The following ATP23 variants were observed in gnomAD, a reference collection of about 807,000 sequenced individuals.
ATP23 encodes the protein ATP23 metallopeptidase and ATP synthase assembly factor homolog.
In ATP23, 24 loss-of-function variants were observed where a neutral mutation model predicts 28.5. The ratio of observed to expected loss-of-function variants is 0.84; its 90% CI spans 0.61 to 1.18. The LOEUF is 1.18. ATP23 is among the 50% of genes most tolerant of loss of function. The pLI is 0.00. For synonymous variants in ATP23, 99 were observed against 108.6 expected (o/e 0.91, Z 0.55); for missense variants, 274 against 306.4 (o/e 0.89, Z 0.79).
At position 57,947,038 on chromosome 12, in the gene ATP23, G is replaced by A; in HGVS notation, c.277G>A (p.Gly93Arg). 6.2e-7 allele frequency: 1 copy of A among 1,614,080 alleles called. No individual in the cohort carries two copies. Among genetic ancestry groups the A allele is most frequent in the Non-Finnish European group, 8.5e-7 (1 of 1,180,002 alleles). The change falls in exon 3 of 6, where the codon GGA becomes AGA. Residue 93 changes from glycine (G) to arginine (R), a missense_variant. Gly to Arg is a moderately radical substitution (Grantham distance 125). Coordinates refer to ENST00000300145, the MANE Select transcript of ATP23 (RefSeq NM_033276.4). ...ACACTTTTCTTGCGAAGACTGTAAT[G>A]GAAATGTCAGTGGAGGTTTTGATGC... ...DRHFSCEDCN[G>R]NVSGGFDAST...
chr12:57,956,634 C>T (rs759640114), intron 5 of ATP23, 53 bp from the exon 6 acceptor site: 95 of 1,271,828 alleles, frequency 7.5e-5, no homozygotes, highest in Admixed American at 3.0e-4. Flanking sequence ...TGTATTATTT[C>T]GTGATTAAAT....
intron 1 of ATP23, among the ~76,000 whole-genome samples, chr12:57,944,325 T>G (rs1048623909): frequency 1.3e-5 from 2 of 152,210 alleles, no homozygotes; most frequent in African/African-American, 4.8e-5. Flanking sequence ...TTTTTAAACC[T>G]TAGTTTCTTT....
intron 3 of ATP23, among the ~76,000 whole-genome samples, chr12:57,949,105 T>C (rs1956791648): frequency 1.3e-5 from 2 of 152,246 alleles, no homozygotes. Context: ...TTATGAACAA[T>C]GCTGCTATGA....
chr12:57,943,295 G>A (rs1439005574), intron 1 of ATP23, among the ~76,000 whole-genome samples: 1 of 152,182 alleles, frequency 6.6e-6, no homozygotes, highest in African/African-American at 2.4e-5. Flanking sequence ...TTCCTCAGGT[G>A]TGGAAGGTGA....
rs191338935 is a variant in ATP23 at position 57,949,581 on chromosome 12, A to T, written c.316-2177A>T. 7.3e-3 allele frequency among the ~76,000 whole-genome samples: 1,106 copies of T among 152,080 alleles called. 11 individuals are homozygous for T. The highest frequency in any genetic ancestry group is 0.02 in the Middle Eastern group (6 of 294). On this transcript the variant is annotated intron_variant, in intron 3 of 5. Coordinates refer to ENST00000300145, the MANE Select transcript of ATP23 (RefSeq NM_033276.4). The stretch of plus-strand genomic sequence containing the variant: ...CAATCATGGCTCACTACAGCCTTGA[A>T]CTCCTGGGCTCAAGCAATCCTCCCA...
At chr12:57,942,535 T>A (rs1190055773) in intron 1 of ATP23, among the ~76,000 whole-genome samples, 5 of 151,940 alleles carry the variant, frequency 3.3e-5, no homozygotes, top group Non-Finnish European at 7.4e-5. Flanking sequence ...GCCGTTCTCC[T>A]GCCTCAGCCT....
Position 57,953,680 on chromosome 12 carries a change from ACAC to A in ATP23, c.534_536del (p.His178del), listed in dbSNP as rs767098606. The A allele has an allele frequency of 1.9e-6, 3 of 1,613,994 alleles. No individual in the cohort carries two copies. The highest frequency in any genetic ancestry group is 2.5e-6 in the Non-Finnish European group (3 of 1,179,860). ...TCAGGTTACATTTTGGATTAAAACA[ACAC>A]CACCAGGTAAAAACTAATATGAAAT... On this transcript the variant is annotated inframe_deletion, in exon 5 of 6. Coordinates refer to ENST00000300145, the MANE Select transcript of ATP23 (RefSeq NM_033276.4).
rs892636527 is a variant in ATP23, at chr12:57,945,102, A to G, written c.188-526A>G. ...CATTTAACTAAAAATGAACTTTAAA[A>G]GCATAGTTGATATTGTCTAAGATGC... On this transcript the variant is annotated intron_variant, in intron 1 of 5. Coordinates refer to ENST00000300145, the MANE Select transcript of ATP23 (RefSeq NM_033276.4). 6.6e-5 allele frequency among the ~76,000 whole-genome samples: 10 copies of G among 152,340 alleles called. No homozygotes were observed. In the South Asian group the frequency reaches 1.7e-3, roughly 25 times the overall value.
At chr12:57,950,772 G>T (rs1956807839) in intron 3 of ATP23, among the ~76,000 whole-genome samples, 1 of 152,072 alleles carries the variant, frequency 6.6e-6, no homozygotes, top group Non-Finnish European at 1.5e-5. Flanking sequence ...CAAGGAATCT[G>T]CCTGCCTCAG....
chr12:57,954,291 T>C (rs1421880155), intron 5 of ATP23, among the ~76,000 whole-genome samples: 1 of 152,114 alleles, frequency 6.6e-6, no homozygotes, highest in African/African-American at 2.4e-5. Context: ...CAGCATGTCT[T>C]ACTGTTATTC....
chr12:57,941,994 A>C, intron 1 of ATP23, 106 bp downstream of exon 1: 1 of 1,420,050 alleles, frequency 7.0e-7, no homozygotes, highest in Admixed American at 2.4e-5. Flanking sequence ...GGTTCAGCAC[A>C]GAGTCTAGAC....
chr12:57,953,601 GAT>G lies in ATP23; in HGVS notation c.454-3_454-2del. The G allele has an allele frequency of 6.2e-7, 1 of 1,613,294 alleles. No homozygotes were observed. The highest frequency in any genetic ancestry group is 1.1e-5 in the South Asian group (1 of 91,004). On this transcript the variant is annotated splice_polypyrimidine_tract_variant and splice_region_variant and intron_variant, in intron 4 of 5. Coordinates refer to ENST00000300145, the MANE Select transcript of ATP23 (RefSeq NM_033276.4). ...ATTTCTTTTTATTTGTCTTCTGTGTGATAGGTTCGAGCTGCTAACCTTAGTGG... is the reference window on the plus strand; with the variant it reads ...ATTTCTTTTTATTTGTCTTCTGTGTGAGGTTCGAGCTGCTAACCTTAGTGG...
At chr12:57,947,626 G>A (rs1293764629) in intron 3 of ATP23, among the ~76,000 whole-genome samples, 2 of 152,288 alleles carry the variant, frequency 1.3e-5, no homozygotes, top group African/African-American at 2.4e-5. Flanking sequence ...GATACTGCCT[G>A]TGAAAATTTT....
At chr12:57,954,826 TG>T (rs34513223) in intron 5 of ATP23, among the ~76,000 whole-genome samples, 41,180 of 151,358 alleles carry the variant, frequency 0.27, 7,040 homozygotes, top group East Asian at 0.67. Flanking sequence ...AACTCTGGAG[TG>T]GGGGGTGGAA....
intron 3 of ATP23, among the ~76,000 whole-genome samples, chr12:57,948,294 T>A (rs371126354): frequency 6.6e-6 from 1 of 152,174 alleles, no homozygotes; most frequent in South Asian, 2.1e-4. Context: ...AAATTATTAT[T>A]ATTTTTGAGA....
Position 57,957,617 on chromosome 12 carries a change from C to G in ATP23, c.*727C>G, listed in dbSNP as rs1364964090. Among the ~76,000 whole-genome samples the G allele has an allele frequency of 6.6e-6, 1 of 152,282 alleles. No homozygotes were observed. The highest frequency in any genetic ancestry group is 2.4e-5 in the African/African-American group (1 of 41,544). ...ACCCTCCTCTCCCACACACACCCCC[C>G]CACTGGAGAAACTGAAGGTCTGTTT... On this transcript the variant is annotated 3_prime_UTR_variant, in exon 6 of 6. Transcript: ENST00000300145.
Position 57,947,015 on chromosome 12 carries a change from AC to A in ATP23, c.255del (p.Ser87LeufsTer20). On this transcript the variant is annotated frameshift_variant, in exon 3 of 6. Coordinates refer to ENST00000300145, the MANE Select transcript of ATP23 (RefSeq NM_033276.4). LOFTEE classifies it high-confidence loss of function. ...HSGCAVNKDR[H>X]FSCEDCNGNV... ...TTTAGTGCTGTTAACAAAGATAGAC[AC>A]TTTTCTTGCGAAGACTGTAATGGAA... 6 of 1,614,022 alleles carry A rather than the reference AC, an allele frequency of 3.7e-6. No homozygotes were observed. The highest frequency in any genetic ancestry group is 5.1e-6 in the Non-Finnish European group (6 of 1,179,978).
intron 5 of ATP23, among the ~76,000 whole-genome samples, chr12:57,954,769 T>C (rs541613960): frequency 1.6e-4 from 24 of 152,248 alleles, no homozygotes; most frequent in African/African-American, 5.8e-4. Context: ...AAAGATAGGC[T>C]TAGGACAACA....
At chr12:57,951,488 G>A (rs1432094160) in intron 3 of ATP23, among the ~76,000 whole-genome samples, 1 of 152,182 alleles carries the variant, frequency 6.6e-6, no homozygotes, top group Non-Finnish European at 1.5e-5. Context: ...TAAGGATGGT[G>A]TGTGAATACG....
Sources: gnomAD v4.1 joint callset for allele counts (sites outside exome capture counted in the v4.1 genomes callset) on GRCh38, gnomAD v4.1.1 for gene constraint, MANE v1.5 for transcripts, NCBI Gene and HGNC (gene_info 2026-07-23, HGNC 2026-07-21) for gene names.